The following MDGA2 variants were observed in gnomAD, a reference collection of about 807,000 sequenced individuals.
The protein encoded by MDGA2 is MAM domain-containing glycosylphosphatidylinositol anchor protein 2.
Under a neutral mutation model 117.8 loss-of-function variants are expected in MDGA2, and 40 were observed. The ratio of observed to expected loss-of-function variants is 0.34; its 90% CI spans 0.26 to 0.44. The LOEUF is 0.44. Ranked by LOEUF, MDGA2 falls within the 20% of genes least tolerant of loss-of-function variation. MDGA2 has a pLI of 1.00. For missense variants in MDGA2, 1,123 were observed against 1,250.6 expected (o/e 0.90, Z 1.54); for synonymous variants, 452 against 439.0 (o/e 1.03, Z -0.37).
chr14:47,339,281 A>G (rs1482428468), intron 1 of MDGA2, among the ~76,000 whole-genome samples: 1 of 152,182 alleles, frequency 6.6e-6, no homozygotes, highest in Non-Finnish European at 1.5e-5. Context: ...GCAATTACAA[A>G]TAATACAAAA....
At chr14:47,436,803 C>A (rs1299857455) in intron 1 of MDGA2, among the ~76,000 whole-genome samples, 2 of 152,126 alleles carry the variant, frequency 1.3e-5, no homozygotes, top group Non-Finnish European at 2.9e-5. Context: ...GACAAGCTTG[C>A]AATCTAGCCA....
chr14:46,986,513 A>G (rs569945266), intron 8 of MDGA2, among the ~76,000 whole-genome samples: 1 of 37,002 alleles, frequency 2.7e-5, no homozygotes, highest in Non-Finnish European at 4.7e-5. Flanking sequence ...CCCCCAAAAT[A>G]CTGATGTAAG....
At chr14:47,596,732 C>G (rs1896550630) in intron 1 of MDGA2, among the ~76,000 whole-genome samples, 1 of 152,200 alleles carries the variant, frequency 6.6e-6, no homozygotes, top group Admixed American at 6.5e-5. Flanking sequence ...ATCTCCCAGG[C>G]ATTCTGCTAA....
chr14:47,139,228 C>A (rs1461072718), intron 4 of MDGA2, among the ~76,000 whole-genome samples: 1 of 152,040 alleles, frequency 6.6e-6, no homozygotes, highest in Non-Finnish European at 1.5e-5. Flanking sequence ...CCCAGTATGA[C>A]TTCCCAGCTT....
chr14:47,665,145 C>A (rs899183484), intron 1 of MDGA2, among the ~76,000 whole-genome samples: 1 of 151,498 alleles, frequency 6.6e-6, no homozygotes, highest in African/African-American at 2.4e-5. Flanking sequence ...AATAGCAATG[C>A]CCTTTCTTCC....
rs1054784986 is a variant in MDGA2 at position 46,924,814 on chromosome 14, A to T, written c.2090-4654T>A. Among the ~76,000 whole-genome samples, 6 of 152,134 alleles carry T rather than the reference A, an allele frequency of 3.9e-5. No homozygotes were observed. In the East Asian group the frequency reaches 7.7e-4, roughly 20 times the overall value. On this transcript the variant is annotated intron_variant, in intron 9 of 16. Coordinates refer to ENST00000399232, the MANE Select transcript of MDGA2 (RefSeq NM_001113498.3). ...TTATGCCAAACCTCTTTTTAGATGT[A>T]TGTTTGCAAGCAAGAAAAAGAAGTC...
chr14:47,110,503 G>GA (rs1227898743), intron 5 of MDGA2, among the ~76,000 whole-genome samples: 1 of 152,166 alleles, frequency 6.6e-6, no homozygotes, highest in East Asian at 1.9e-4. Context: ...CTCCTACTGG[G>GA]AAAAATATTT....
At chr14:47,649,757 C>A (rs1408418568) in intron 1 of MDGA2, among the ~76,000 whole-genome samples, 1 of 151,816 alleles carries the variant, frequency 6.6e-6, no homozygotes, top group African/African-American at 2.4e-5. Context: ...ATAATAAGTA[C>A]TCAGAGAGAA....
intron 1 of MDGA2, among the ~76,000 whole-genome samples, chr14:47,651,812 G>A (rs1023098523): frequency 3.3e-5 from 5 of 152,236 alleles, no homozygotes; most frequent in African/African-American, 4.8e-5. Flanking sequence ...GGATAAAAAC[G>A]AAAGGTCAAG....
At chr14:46,900,296 T>G (rs1288763270) in intron 10 of MDGA2, among the ~76,000 whole-genome samples, 2 of 152,286 alleles carry the variant, frequency 1.3e-5, no homozygotes, top group Non-Finnish European at 2.9e-5. Context: ...TAAAATAGTT[T>G]GGCAGTTTCT....
intron 1 of MDGA2, among the ~76,000 whole-genome samples, chr14:47,590,284 A>G (rs1020891766): frequency 1.1e-4 from 17 of 151,940 alleles, no homozygotes; most frequent in African/African-American, 3.9e-4. Flanking sequence ...GTAAAAAGCA[A>G]AACATAAAAA....
At chr14:47,390,477 A>C (rs1041686214) in intron 1 of MDGA2, among the ~76,000 whole-genome samples, 13 of 152,148 alleles carry the variant, frequency 8.5e-5, no homozygotes, top group African/African-American at 3.1e-4. Flanking sequence ...AAAGCCAACT[A>C]GCTAATATGA....
intron 5 of MDGA2, among the ~76,000 whole-genome samples, chr14:47,119,360 C>T (rs774575460): frequency 6.6e-6 from 1 of 152,192 alleles, no homozygotes; most frequent in Non-Finnish European, 1.5e-5. Flanking sequence ...CCACCGGGCC[C>T]GGCCCTACAT....
intron 3 of MDGA2, among the ~76,000 whole-genome samples, chr14:47,154,994 G>T (rs542728880): frequency 1.3e-5 from 2 of 152,106 alleles, no homozygotes; most frequent in African/African-American, 4.8e-5. Flanking sequence ...CTCGGAAGCC[G>T]ATTAAAATCC....
At chr14:47,167,146 C>G (rs1443033630) in intron 3 of MDGA2, among the ~76,000 whole-genome samples, 1 of 152,028 alleles carries the variant, frequency 6.6e-6, no homozygotes, top group Non-Finnish European at 1.5e-5. Flanking sequence ...GAATTAGCTT[C>G]CAAATGCAGA....
chr14:47,080,275 AT>A (rs1890660307), intron 6 of MDGA2, among the ~76,000 whole-genome samples: 1 of 152,178 alleles, frequency 6.6e-6, no homozygotes, highest in South Asian at 2.1e-4. Context: ...TTTCACTTAC[AT>A]TTAATTCAAT....
At chr14:47,167,170 A>AT (rs543041803) in intron 3 of MDGA2, among the ~76,000 whole-genome samples, 12,120 of 147,882 alleles carry the variant, frequency 0.082, 503 homozygotes, top group Middle Eastern at 0.11. Context: ...GACCATCCAT[A>AT]TTTTTTTTTT....
chr14:46,964,533 G>T (rs1032889284), intron 8 of MDGA2, among the ~76,000 whole-genome samples: 1 of 152,154 alleles, frequency 6.6e-6, no homozygotes, highest in African/African-American at 2.4e-5. Context: ...CCAACAGACT[G>T]ATTTGCTAGA....
At chr14:47,182,497 G>C (rs1884748259) in intron 3 of MDGA2, among the ~76,000 whole-genome samples, 1 of 152,118 alleles carries the variant, frequency 6.6e-6, no homozygotes. Flanking sequence ...CAGCAGAAGA[G>C]GACACAGAAA....
Sources: allele counts gnomAD v4.1 joint callset (sites outside exome capture counted in the v4.1 genomes callset), GRCh38; gene constraint gnomAD v4.1.1; transcripts MANE v1.5; gene names NCBI Gene and HGNC (gene_info 2026-07-23, HGNC 2026-07-21).